Variants in EMP1 observed in about 807,000 individuals in gnomAD.
The protein encoded by EMP1 is epithelial membrane protein 1, also known as tumor-associated membrane protein.
EMP1 carries 5 observed loss-of-function variants against 15.7 expected under a neutral mutation model. That is an observed-to-expected ratio of 0.32 (90% CI 0.17 to 0.67). EMP1 has a LOEUF of 0.67. Ranked by LOEUF, EMP1 falls within the 30% of genes least tolerant of loss-of-function variation. The probability of loss-of-function intolerance (pLI) is 0.74; values close to 1 mark genes in which losing one functional copy is unlikely to be tolerated. For synonymous variants in EMP1, 78 were observed against 76.7 expected, an observed-to-expected ratio of 1.02 and a Z score of -0.09; for missense variants, 166 against 194.2, an observed-to-expected ratio of 0.85 and a Z score of 0.86.
rs373100799 is a variant in EMP1, at chr12:13,214,738, G to T, written c.*47G>T. The T allele has an allele frequency of 6.7e-7, 1 of 1,498,542 alleles. No individual in the cohort carries two copies. The highest frequency in any genetic ancestry group is 1.4e-5 in the African/African-American group (1 of 69,078). The allele number at this position is 1,498,542 out of a possible 1,614,324, so 92.8% of individuals were successfully genotyped here. A position where few individuals can be genotyped will look rare whatever the true frequency, so the allele number is the denominator to read the frequency against. ...TCTGGGGGGTGGGGAGGAGGAAGCC[G>T]TTGAATCTGGGAGGGAAGTGGAGGT... On this transcript the variant is annotated 3_prime_UTR_variant, in exon 5 of 5. Transcript: ENST00000256951.
Position 13,217,857 on chromosome 12 carries a change from C to T in EMP1, c.*3166C>T, listed in dbSNP as rs1398724168. On this transcript the variant is annotated 3_prime_UTR_variant, in exon 5 of 5. Transcript: ENST00000256951. ...ATATATTTATTTTAAGGAATTGACT[C>T]ACATGATTTTGAAGGCAGGCAAGCC... The T allele has an allele frequency of 2.0e-5, 3 of 152,060 alleles. No homozygotes were observed. Among genetic ancestry groups the T allele is most frequent in the Non-Finnish European group, 2.9e-5 (2 of 68,026 alleles). 9.4% of individuals were successfully genotyped at this position (152,060 alleles called of 1,614,324 possible). A position where few individuals can be genotyped will look rare whatever the true frequency, so the allele number is the denominator to read the frequency against.
At chr12:13,204,928 G>A (rs1167438871) in intron 1 of EMP1, among the ~76,000 whole-genome samples, 1 of 152,236 alleles carries the variant, frequency 6.6e-6, no homozygotes, top group Non-Finnish European at 1.5e-5. Context: ...TAACCTGGTA[G>A]TTCTGCTGTG....
chr12:13,214,338 C>T (rs1798812741), intron 4 of EMP1, 196 bp from the exon 5 acceptor site: 1 of 712,414 alleles, frequency 1.4e-6, no homozygotes, highest in Non-Finnish European at 2.3e-6. Context: ...CATGAGAGCC[C>T]AGACACCTCT....
chr12:13,219,569 G>T lies in EMP1; in HGVS notation c.*4878G>T, dbSNP rs963869134. 6.6e-6 allele frequency: 1 copy of T among 152,096 alleles called. No individual in the cohort carries two copies. The highest frequency in any genetic ancestry group is 1.5e-5 in the Non-Finnish European group (1 of 68,028). The allele number at this position is 152,096 out of a possible 1,614,324, so 9.4% of individuals were successfully genotyped here. A position where few individuals can be genotyped will look rare whatever the true frequency, so the allele number is the denominator to read the frequency against. Reference sequence around the variant, plus strand: ...CTCCTGGTACCAAATTCCTGTATTAGTCTGTTTTCACACTGCTATGAAGAC... The same window carrying T: ...CTCCTGGTACCAAATTCCTGTATTATTCTGTTTTCACACTGCTATGAAGAC... On this transcript the variant is annotated 3_prime_UTR_variant, in exon 5 of 5. Coordinates refer to ENST00000256951, the MANE Select transcript of EMP1 (RefSeq NM_001423.3).
At chr12:13,214,064 G>C in intron 4 of EMP1, 2 of 678,556 alleles carry the variant, frequency 2.9e-6, no homozygotes, top group Admixed American at 2.1e-5. Context: ...ATATCTGTTA[G>C]TAGCACGTGT....
intron 1 of EMP1, among the ~76,000 whole-genome samples, chr12:13,204,454 T>A (rs1864092510): frequency 6.6e-6 from 1 of 152,216 alleles, no homozygotes; most frequent in South Asian, 2.1e-4. Flanking sequence ...TCTGCTTTTG[T>A]GTTACATGCG....
At chr12:13,209,693 A>C (rs541910064) in intron 1 of EMP1, 2 of 152,292 alleles carry the variant, frequency 1.3e-5, no homozygotes, top group South Asian at 2.1e-4. Flanking sequence ...ATGAGGAAAC[A>C]GATGAGCGGT....
chr12:13,206,013 A>G (rs1324929574), intron 1 of EMP1, among the ~76,000 whole-genome samples: 2 of 152,052 alleles, frequency 1.3e-5, no homozygotes, highest in Non-Finnish European at 1.5e-5. Flanking sequence ...GCAGGGTAGA[A>G]GATATGTTAG....
At chr12:13,210,518 C>T (rs1864155887) in intron 1 of EMP1, among the ~76,000 whole-genome samples, 1 of 152,190 alleles carries the variant, frequency 6.6e-6, no homozygotes, top group Non-Finnish European at 1.5e-5. Context: ...TGGCTGAAAG[C>T]TTTTGTTTAT....
intron 1 of EMP1, among the ~76,000 whole-genome samples, chr12:13,207,291 T>G (rs1306140990): frequency 6.6e-6 from 1 of 152,178 alleles, no homozygotes; most frequent in African/African-American, 2.4e-5. Flanking sequence ...TCTTGTATTT[T>G]TAATTGATAC....
chr12:13,209,434 C>T (rs1407622231), intron 1 of EMP1: 1 of 152,160 alleles, frequency 6.6e-6, no homozygotes, highest in Non-Finnish European at 1.5e-5. Flanking sequence ...CACCCTGCCT[C>T]GTGAACTAGA....
chr12:13,211,775 C>A lies in EMP1; in HGVS notation c.78+187C>A. 1.6e-6 allele frequency: 1 copy of A among 637,076 alleles called. No individual in the cohort carries two copies. Among genetic ancestry groups the A allele is most frequent in the South Asian group, 2.0e-5 (1 of 51,176 alleles). 39.5% of individuals were successfully genotyped at this position (637,076 alleles called of 1,614,324 possible). On this transcript the variant is annotated intron_variant, in intron 2 of 4. Transcript: ENST00000256951. The surrounding 1 kb of genome is among the most constrained non-coding windows in gnomAD (Gnocchi z 4.7). Reference sequence around the variant, plus strand: ...TAACAGGAGGATAAAAGTGAATGTCCACAGGAGTAATCCTGCCAGAGCTGT... The same window carrying A: ...TAACAGGAGGATAAAAGTGAATGTCAACAGGAGTAATCCTGCCAGAGCTGT...
Position 13,217,112 on chromosome 12 carries a change from C to T in EMP1, c.*2421C>T, listed in dbSNP as rs1864222213. The T allele has an allele frequency of 1.3e-5, 2 of 152,274 alleles. No individual in the cohort carries two copies. The highest frequency in any genetic ancestry group is 6.5e-5 in the Admixed American group (1 of 15,300). The allele number at this position is 152,274 out of a possible 1,614,324, so 9.4% of individuals were successfully genotyped here. A position where few individuals can be genotyped will look rare whatever the true frequency, so the allele number is the denominator to read the frequency against. ...GAAATTTCTTTGAAATAGCCAGCTCCTCTAATGTGTCTTCAAAATATAAAG... is the reference window on the plus strand; with the variant it reads ...GAAATTTCTTTGAAATAGCCAGCTCTTCTAATGTGTCTTCAAAATATAAAG... On this transcript the variant is annotated 3_prime_UTR_variant, in exon 5 of 5. Coordinates refer to ENST00000256951, the MANE Select transcript of EMP1 (RefSeq NM_001423.3).
chr12:13,212,754 T>A (rs146162559), intron 2 of EMP1, among the ~76,000 whole-genome samples: 4 of 152,306 alleles, frequency 2.6e-5, no homozygotes, highest in Non-Finnish European at 5.9e-5. Flanking sequence ...TGTGCATTTG[T>A]GTGTGTGTAG....
At chr12:13,209,733 CTCTG>C (rs1337115377) in intron 1 of EMP1, among the ~76,000 whole-genome samples, 1 of 152,020 alleles carries the variant, frequency 6.6e-6, no homozygotes, top group Non-Finnish European at 1.5e-5. Context: ...CTAATTCATC[CTCTG>C]TCTGATTCAA....
intron 1 of EMP1, among the ~76,000 whole-genome samples, chr12:13,203,607 A>G (rs574732790): frequency 6.6e-6 from 1 of 152,328 alleles, no homozygotes; most frequent in South Asian, 2.1e-4. Flanking sequence ...CGAGCCTCTC[A>G]TTTTACACAG....
chr12:13,196,746 A>G lies in EMP1; in HGVS notation c.-169A>G, dbSNP rs1864018376. On this transcript the variant is annotated 5_prime_UTR_variant, in exon 1 of 5. Transcript: ENST00000256951. Reference sequence around the variant, plus strand: ...CCATTACACACCCCAGTACACCAGCAGAGGAAACTTATAACCTCGGGAGGC... The same window carrying G: ...CCATTACACACCCCAGTACACCAGCGGAGGAAACTTATAACCTCGGGAGGC... 1 of 152,198 alleles carries G rather than the reference A, an allele frequency of 6.6e-6. No homozygotes were observed. 9.4% of individuals were successfully genotyped at this position (152,198 alleles called of 1,614,324 possible).
chr12:13,197,664 A>G (rs1050259966), intron 1 of EMP1, among the ~76,000 whole-genome samples: 1 of 152,142 alleles, frequency 6.6e-6, no homozygotes, highest in African/African-American at 2.4e-5. Flanking sequence ...AATTCTAGCT[A>G]CTTGGTAGGC....
chr12:13,200,831 A>G (rs1171076186), intron 1 of EMP1, among the ~76,000 whole-genome samples: 1 of 152,238 alleles, frequency 6.6e-6, no homozygotes. Context: ...CTGGAACTGC[A>G]ATGGAATCCT....
Sources: allele counts gnomAD v4.1 joint callset (sites outside exome capture counted in the v4.1 genomes callset), GRCh38; gene constraint gnomAD v4.1.1; non-coding constraint Gnocchi (gnomAD v3.1); transcripts MANE v1.5; gene names NCBI Gene and HGNC (gene_info 2026-07-23, HGNC 2026-07-21).